The following GPR107 variants were observed in gnomAD, a reference collection of about 807,000 sequenced individuals.
GPR107 encodes G protein-coupled receptor 107, also known as protein GPR107.
GPR107 carries 31 observed loss-of-function variants against 75.5 expected under a neutral mutation model. The observed-to-expected ratio is 0.41, with a 90% CI of 0.31 to 0.55. The LOEUF (loss-of-function observed/expected upper bound fraction) is 0.55. Ranked by LOEUF, GPR107 falls within the 20% of genes least tolerant of loss-of-function variation. The pLI, the probability that GPR107 is intolerant of heterozygous loss-of-function variation, is 0.26. For missense variants in GPR107, 572 were observed against 665.7 expected, an observed-to-expected ratio of 0.86 and a Z score of 1.55; for synonymous variants, 267 against 251.3, an observed-to-expected ratio of 1.06 and a Z score of -0.59.
chr9:130,067,892 G>T lies in GPR107; in HGVS notation c.142-7744G>T, dbSNP rs139579883. On this transcript the variant is annotated intron_variant, in intron 1 of 17. Coordinates refer to ENST00000347136, the MANE Select transcript of GPR107 (RefSeq NM_020960.5). ...CCCAAGCAGCTGGGATTACAAGCGG[G>T]CGCCACCACGCCTGGCTAATTTTTG... Among the ~76,000 whole-genome samples the T allele has an allele frequency of 2.6e-4, 40 of 151,518 alleles. No homozygotes were observed. In the East Asian group the frequency reaches 7.8e-3, roughly 29 times the overall value.
chr9:130,083,485 C>T, intron 5 of GPR107, 80 bp from the exon 6 acceptor site: 2 of 787,010 alleles, frequency 2.5e-6, no homozygotes, highest in East Asian at 3.0e-5. Flanking sequence ...GCTGAAGCCT[C>T]ATAAAATGAT....
Position 130,140,089 on chromosome 9 carries a change from A to G in GPR107, c.*4968A>G, listed in dbSNP as rs938274950. 1.3e-5 allele frequency: 2 copies of G among 152,020 alleles called. No homozygotes were observed. The highest frequency in any genetic ancestry group is 2.9e-5 in the Non-Finnish European group (2 of 68,018). The allele number at this position is 152,020 out of a possible 1,614,324, so 9.4% of individuals were successfully genotyped here. A position where few individuals can be genotyped will look rare whatever the true frequency, so the allele number is the denominator to read the frequency against. ...ACATACAACGTATAATGGGTGGGGG[A>G]TCCGATCATGGTGATGTACGGGGTG... On this transcript the variant is annotated 3_prime_UTR_variant, in exon 18 of 18. Coordinates refer to ENST00000347136, the MANE Select transcript of GPR107 (RefSeq NM_020960.5). This position sits in a 1 kb window ranked among gnomAD's most constrained non-coding sequence, Gnocchi z 4.0.
At chr9:130,060,984 G>T (rs1829913935) in intron 1 of GPR107, among the ~76,000 whole-genome samples, 1 of 152,308 alleles carries the variant, frequency 6.6e-6, no homozygotes, top group Non-Finnish European at 1.5e-5. Context: ...CACACAAAAG[G>T]AGTATGCACC....
intron 1 of GPR107, among the ~76,000 whole-genome samples, chr9:130,072,908 A>G (rs1830247203): frequency 6.6e-6 from 1 of 152,210 alleles, no homozygotes; most frequent in South Asian, 2.1e-4. Flanking sequence ...ACTTTATTGA[A>G]ATGTAATATA....
chr9:130,057,862 G>A (rs1188249610), intron 1 of GPR107, among the ~76,000 whole-genome samples: 1 of 134,148 alleles, frequency 7.5e-6, no homozygotes, highest in Non-Finnish European at 1.6e-5. Flanking sequence ...ACAGAGTTTT[G>A]CTCTGGCACC....
chr9:130,066,097 C>G (rs1290270747), intron 1 of GPR107, among the ~76,000 whole-genome samples: 1 of 151,868 alleles, frequency 6.6e-6, no homozygotes, highest in African/African-American at 2.4e-5. Context: ...ACCTGAAGTT[C>G]AAGACCAGCC....
chr9:130,099,588 G>A, intron 10 of GPR107, 56 bp downstream of exon 10: 1 of 944,726 alleles, frequency 1.1e-6, no homozygotes, highest in Non-Finnish European at 1.7e-6. Flanking sequence ...GCCTGTGTGA[G>A]CAGGCAAAAG....
At chr9:130,062,624 T>G (rs371731627) in intron 1 of GPR107, among the ~76,000 whole-genome samples, 68 of 44,046 alleles carry the variant, frequency 1.5e-3, no homozygotes, top group African/African-American at 4.2e-3. Context: ...CTGCCTGCCT[T>G]CCTGCCTTCC....
intron 1 of GPR107, among the ~76,000 whole-genome samples, chr9:130,059,106 T>G (rs1221816381): frequency 1.3e-5 from 2 of 152,244 alleles, no homozygotes; most frequent in African/African-American, 4.8e-5. Flanking sequence ...TTTTCCAAAG[T>G]GGCTCTACCA....
chr9:130,085,879 T>A (rs1322318747), intron 6 of GPR107, among the ~76,000 whole-genome samples: 1 of 149,820 alleles, frequency 6.7e-6, no homozygotes, highest in Non-Finnish European at 1.5e-5. Flanking sequence ...GCCTCCGGAG[T>A]AGCTGGGATT....
chr9:130,065,401 C>T (rs1177589873), intron 1 of GPR107, among the ~76,000 whole-genome samples: 1 of 151,654 alleles, frequency 6.6e-6, no homozygotes, highest in African/African-American at 2.4e-5. Context: ...CGCACCATTG[C>T]ACTCCAGCCT....
rs999719149 is a variant in GPR107 at position 130,064,105 on chromosome 9, G to A, written c.141+10032G>A. Among the ~76,000 whole-genome samples the A allele has an allele frequency of 1.8e-4, 27 of 151,088 alleles. No homozygotes were observed. In the South Asian group the frequency reaches 1.9e-3, roughly 10 times the overall value. ...TGGGATTACAAGTGTGAGCCACTGC[G>A]CCCAGCCAGGGTTTATTCTTTTTGT... On this transcript the variant is annotated intron_variant, in intron 1 of 17. Coordinates refer to ENST00000347136, the MANE Select transcript of GPR107 (RefSeq NM_020960.5).
chr9:130,101,211 C>T lies in GPR107; in HGVS notation c.1119C>T (p.Val373=). Residue 373 remains valine (V), a synonymous_variant, in exon 12 of 18, where the codon GTC becomes GTT. Coordinates refer to ENST00000347136, the MANE Select transcript of GPR107 (RefSeq NM_020960.5). ...SDKDKKIFMI[V]IPLQVLANVA... is the part of the protein sequence containing the mutation. ...AAGACAAAAAGATCTTCATGATTGT[C>T]ATTCCACTCCAGGTAAAAGAACCCT... The T allele has an allele frequency of 2.0e-6, 3 of 1,526,000 alleles. No individual in the cohort carries two copies. The highest frequency in any genetic ancestry group is 2.7e-6 in the Non-Finnish European group (3 of 1,099,582). 94.5% of individuals were successfully genotyped at this position (1,526,000 alleles called of 1,614,324 possible).
Position 130,103,496 on chromosome 9 carries a change from G to T in GPR107, c.1132-924G>T, listed in dbSNP as rs1831086501. On this transcript the variant is annotated intron_variant, in intron 12 of 17. Coordinates refer to ENST00000347136, the MANE Select transcript of GPR107 (RefSeq NM_020960.5). The surrounding 1 kb of genome is among the most constrained non-coding windows in gnomAD (Gnocchi z 4.3). Reference sequence around the variant, plus strand: ...TTCCCTTATGCTCTGTGGCATCTCAGTTTAGCCAGTGGAAAGACTTTTTAT... The same window carrying T: ...TTCCCTTATGCTCTGTGGCATCTCATTTTAGCCAGTGGAAAGACTTTTTAT... 1.3e-5 allele frequency among the ~76,000 whole-genome samples: 2 copies of T among 152,096 alleles called. No homozygotes were observed. The highest frequency in any genetic ancestry group is 1.3e-4 in the Admixed American group (2 of 15,250).
chr9:130,081,496 A>T (rs537884274), intron 5 of GPR107, among the ~76,000 whole-genome samples: 1 of 151,658 alleles, frequency 6.6e-6, no homozygotes, highest in African/African-American at 2.4e-5. Context: ...ACATGGTGAA[A>T]CCCCGTCTCT....
At chr9:130,128,565 T>G in intron 16 of GPR107, 75 bp from the exon 17 acceptor site, 1 of 1,235,632 alleles carries the variant, frequency 8.1e-7, no homozygotes, top group Non-Finnish European at 1.2e-6. Context: ...AATATGTCAG[T>G]TTGTTGAATT....
rs1554899933 is a variant in GPR107 at position 130,136,048 on chromosome 9, A to T, written c.*927A>T. The T allele has an allele frequency of 6.6e-6, 1 of 152,190 alleles. No individual in the cohort carries two copies. Among genetic ancestry groups the T allele is most frequent in the African/African-American group, 2.4e-5 (1 of 41,430 alleles). The allele number at this position is 152,190 out of a possible 1,614,324, so 9.4% of individuals were successfully genotyped here. A position where few individuals can be genotyped will look rare whatever the true frequency, so the allele number is the denominator to read the frequency against. On this transcript the variant is annotated 3_prime_UTR_variant, in exon 18 of 18. Coordinates refer to ENST00000347136, the MANE Select transcript of GPR107 (RefSeq NM_020960.5). ...TCCTCAAGGAGCAGCTGGGGGCAGA[A>T]TAGGTAGTATTTAAGCAAATACTTA...
intron 9 of GPR107, among the ~76,000 whole-genome samples, chr9:130,096,883 C>T (rs938178928): frequency 1.3e-5 from 2 of 152,212 alleles, no homozygotes; most frequent in Non-Finnish European, 2.9e-5. Context: ...ATCCTTTCTG[C>T]GATCTAGCCA....
At chr9:130,063,298 C>G (rs1829977265) in intron 1 of GPR107, among the ~76,000 whole-genome samples, 1 of 152,042 alleles carries the variant, frequency 6.6e-6, no homozygotes, top group African/African-American at 2.4e-5. Context: ...TCATGCCATT[C>G]CCCTGCCTCA....
Sources: allele counts gnomAD v4.1 joint callset (sites outside exome capture counted in the v4.1 genomes callset), GRCh38; gene constraint gnomAD v4.1.1; non-coding constraint Gnocchi (gnomAD v3.1); transcripts MANE v1.5; gene names NCBI Gene and HGNC (gene_info 2026-07-23, HGNC 2026-07-21).